The following CLEC12A variants were observed in gnomAD, a reference collection of about 807,000 sequenced individuals.
The protein encoded by CLEC12A is C-type lectin domain family 12 member A.
A neutral mutation model predicts 26.5 loss-of-function variants in CLEC12A; 22 were observed. That is an observed-to-expected ratio of 0.83 (90% CI 0.59 to 1.19). CLEC12A has a LOEUF of 1.19. CLEC12A is among the 50% of genes most tolerant of loss of function. CLEC12A has a pLI of 0.00. For missense variants in CLEC12A, 353 were observed against 315.6 expected (o/e 1.12, Z -0.90); for synonymous variants, 119 against 101.9 (o/e 1.17, Z -1.01).
chr12:9,965,516 G>T (rs1269372465), intron 1 of CLEC12A, among the ~76,000 whole-genome samples: 2 of 151,016 alleles, frequency 1.3e-5, no homozygotes, highest in Non-Finnish European at 2.9e-5. Flanking sequence ...AAGAGAGGCT[G>T]GGATGACGGG....
chr12:10,006,105 TTC>T, the CLEC12A span, among the ~76,000 whole-genome samples: 1 of 152,264 alleles, frequency 6.6e-6, no homozygotes, highest in Non-Finnish European at 1.5e-5. Context: ...GAACAATATT[TTC>T]TGACAAGTTT....
At chr12:9,954,460 A>G (rs896237972) in intron 1 of CLEC12A, among the ~76,000 whole-genome samples, 4 of 152,078 alleles carry the variant, frequency 2.6e-5, no homozygotes, top group African/African-American at 9.7e-5. Context: ...ACACCACTGC[A>G]CTTCCAGCCT....
intron 1 of CLEC12A, among the ~76,000 whole-genome samples, chr12:9,953,574 C>T (rs1245936061): frequency 8.7e-5 from 13 of 149,192 alleles, no homozygotes; most frequent in African/African-American, 3.0e-4. Context: ...CCGCCCCGTC[C>T]GGGAGGGAGG....
chr12:9,985,480 G>A lies in CLEC12A; in HGVS notation c.*454G>A, dbSNP rs1864743082. On this transcript the variant is annotated 3_prime_UTR_variant, in exon 6 of 6. Coordinates refer to ENST00000304361, the MANE Select transcript of CLEC12A (RefSeq NM_138337.6). ...ATGGCTGAAGGCCTTATGAGTCAAAGGACTTATAGCCAATTGATTGTTCTA... is the reference window on the plus strand; with the variant it reads ...ATGGCTGAAGGCCTTATGAGTCAAAAGACTTATAGCCAATTGATTGTTCTA... 2.5e-6 allele frequency: 1 copy of A among 398,804 alleles called. No individual in the cohort carries two copies. The highest frequency in any genetic ancestry group is 4.4e-5 in the Admixed American group (1 of 22,738). The allele number at this position is 398,804 out of a possible 1,614,324, so 24.7% of individuals were successfully genotyped here.
At chr12:9,993,096 T>C (rs1864928667) in intron 4 of CLEC12A, 2 of 1,552,212 alleles carry the variant, frequency 1.3e-6, no homozygotes, top group South Asian at 1.2e-5. Flanking sequence ...ATATCTTTTA[T>C]TGTACAATAA....
chr12:10,005,679 T>G, the CLEC12A span, among the ~76,000 whole-genome samples: 2 of 152,224 alleles, frequency 1.3e-5, no homozygotes, highest in African/African-American at 4.8e-5. Flanking sequence ...TTGGGATATT[T>G]TATTATGCTG....
downstream of CLEC12A, chr12:9,998,889 GA>G: frequency 1.9e-6 from 1 of 537,964 alleles, no homozygotes; most frequent in South Asian, 3.1e-5. Context: ...ATGAGCTTAT[GA>G]AAACACTACT....
intron 3 of CLEC12A, among the ~76,000 whole-genome samples, chr12:9,979,834 CAG>C (rs1185310999): frequency 4.6e-5 from 7 of 152,132 alleles, no homozygotes; most frequent in Non-Finnish European, 8.8e-5. Flanking sequence ...TAATAGAAGA[CAG>C]GGAGGAAGTG....
chr12:9,963,835 C>T (rs1863880380), intron 1 of CLEC12A, among the ~76,000 whole-genome samples: 1 of 152,276 alleles, frequency 6.6e-6, no homozygotes, highest in African/African-American at 2.4e-5. Flanking sequence ...CCAGCTAGGG[C>T]AGCAGCCATC....
chr12:9,997,238 G>A (rs548647712), downstream of CLEC12A: 7 of 1,612,892 alleles, frequency 4.3e-6, no homozygotes, highest in African/African-American at 1.3e-5. Context: ...GTTCCTGTGC[G>A]ATTTTCATTC....
intron 1 of CLEC12A, among the ~76,000 whole-genome samples, chr12:9,962,738 C>A (rs1432484289): frequency 1.3e-5 from 2 of 152,102 alleles, no homozygotes; most frequent in Non-Finnish European, 1.5e-5. Context: ...ATTTTCACTT[C>A]TTTTGTAGTG....
upstream of CLEC12A, among the ~76,000 whole-genome samples, chr12:9,969,077 G>C (rs984874254): frequency 1.3e-5 from 2 of 152,180 alleles, no homozygotes; most frequent in Non-Finnish European, 2.9e-5. Context: ...GAGTAGAATT[G>C]TGGTTACCAG....
the CLEC12A span, among the ~76,000 whole-genome samples, chr12:10,002,733 C>T: frequency 3.3e-4 from 50 of 152,256 alleles, 2 homozygotes; most frequent in East Asian, 8.5e-3. Flanking sequence ...TGAGCCACCG[C>T]ACCCGGCAAT....
At chr12:9,974,392 GACTTTAAAT>G (rs1264145091) in intron 1 of CLEC12A, among the ~76,000 whole-genome samples, 1 of 152,074 alleles carries the variant, frequency 6.6e-6, no homozygotes, top group African/African-American at 2.4e-5. Context: ...TCAGTTGTTT[GACTTTAAAT>G]AGAGTGACTC....
intron 1 of CLEC12A, among the ~76,000 whole-genome samples, chr12:9,963,368 G>A (rs531328605): frequency 1.3e-5 from 2 of 149,430 alleles, no homozygotes; most frequent in South Asian, 4.4e-4. Context: ...CTAAGTCAAG[G>A]CCTCAGCGGT....
chr12:9,996,772 A>G (rs769238483), downstream of CLEC12A: 32 of 1,513,422 alleles, frequency 2.1e-5, no homozygotes, highest in Non-Finnish European at 2.9e-5. Flanking sequence ...TGTAAAAAAC[A>G]AAAAAAGGTC....
chr12:9,958,542 C>T (rs1863779515), intron 1 of CLEC12A, among the ~76,000 whole-genome samples: 1 of 152,178 alleles, frequency 6.6e-6, no homozygotes, highest in Non-Finnish European at 1.5e-5. Flanking sequence ...ACAACTGTTT[C>T]AGTACTGACT....
Position 9,971,602 on chromosome 12 carries a change from TGAA to T in CLEC12A, c.11_13del (p.Glu4del). 2 of 1,605,684 alleles carry T rather than the reference TGAA, an allele frequency of 1.2e-6. No individual in the cohort carries two copies. The highest frequency in any genetic ancestry group is 8.5e-7 in the Non-Finnish European group (1 of 1,176,364). On this transcript the variant is annotated inframe_deletion, in exon 1 of 6. Transcript: ENST00000304361. ...ATTTCTTTACATATTCATCAATGTCTGAAGAAGTTACTTATGCAGATCTTCAAT... is the reference window on the plus strand; with the variant it reads ...ATTTCTTTACATATTCATCAATGTCTGAAGTTACTTATGCAGATCTTCAAT...
chr12:10,003,486 A>G, the CLEC12A span, among the ~76,000 whole-genome samples: 1 of 152,242 alleles, frequency 6.6e-6, no homozygotes, highest in Non-Finnish European at 1.5e-5. Flanking sequence ...AATGAATTGG[A>G]TTAAGATTTA....
Sources: gnomAD v4.1 joint callset for allele counts (sites outside exome capture counted in the v4.1 genomes callset) on GRCh38, gnomAD v4.1.1 for gene constraint, MANE v1.5 for transcripts, NCBI Gene and HGNC (gene_info 2026-07-23, HGNC 2026-07-21) for gene names.